Variants in SS18L1 observed in about 807,000 individuals in gnomAD.
SS18L1 encodes calcium-responsive transactivator.
Under a neutral mutation model 70.3 loss-of-function variants are expected in SS18L1, and 32 were observed. That is an observed-to-expected ratio of 0.46 (90% CI 0.34 to 0.61). SS18L1 has a LOEUF of 0.61. SS18L1 is among the 20% of genes least tolerant of loss of function. The probability of loss-of-function intolerance (pLI) is 0.01; values close to 1 mark genes in which losing one functional copy is unlikely to be tolerated. For missense variants in SS18L1, 430 were observed against 542.1 expected, an observed-to-expected ratio of 0.79 and a Z score of 2.05; for synonymous variants, 237 against 229.7, an observed-to-expected ratio of 1.03 and a Z score of -0.29.
chr20:62,144,511 C>A (rs183838431), intron 1 of SS18L1, among the ~76,000 whole-genome samples: 1 of 152,218 alleles, frequency 6.6e-6, no homozygotes. Context: ...CGTTACGCAG[C>A]CCGGCCCCGT....
In SS18L1 at chr20:62,158,629, G is replaced by A. The variant is rs1219671411; in HGVS notation, c.70-43G>A. 2.5e-6 allele frequency: 4 copies of A among 1,603,670 alleles called. No individual in the cohort carries two copies. The highest frequency in any genetic ancestry group is 2.2e-5 in the East Asian group (1 of 44,702). ...ATGGCTGTTCATCCCGAGGGTCAGCGACAGCCCCGCGTCGGCAGCGCCCGC... is the reference window on the plus strand; with the variant it reads ...ATGGCTGTTCATCCCGAGGGTCAGCAACAGCCCCGCGTCGGCAGCGCCCGC... On this transcript the variant is annotated intron_variant, in intron 1 of 10. Coordinates refer to ENST00000331758, the MANE Select transcript of SS18L1 (RefSeq NM_198935.3). This position sits in a 1 kb window ranked among gnomAD's most constrained non-coding sequence, Gnocchi z 4.5.
chr20:62,154,790 T>C (rs763920148), intron 1 of SS18L1, among the ~76,000 whole-genome samples: 19 of 152,152 alleles, frequency 1.2e-4, no homozygotes, highest in Non-Finnish European at 2.1e-4. Context: ...AGAAAATGAT[T>C]GAAGGATTTG....
At position 62,179,337 on chromosome 20, in the gene SS18L1, G is replaced by C; in HGVS notation, c.*129G>C. The stretch of plus-strand genomic sequence containing the variant: ...GCCCAGTGCCACGTCTGCATGTGAA[G>C]CGTGCTCATTTCATGCTGGGTATGA... On this transcript the variant is annotated 3_prime_UTR_variant, in exon 11 of 11. Transcript: ENST00000331758. The C allele has an allele frequency of 9.8e-7, 1 of 1,020,630 alleles. No homozygotes were observed. Among genetic ancestry groups the C allele is most frequent in the Non-Finnish European group, 1.5e-6 (1 of 659,228 alleles). 63.2% of individuals were successfully genotyped at this position (1,020,630 alleles called of 1,614,324 possible).
Position 62,163,485 on chromosome 20 carries a change from C to T in SS18L1, c.584C>T (p.Thr195Met), listed in dbSNP as rs1461589212. 4.3e-6 allele frequency: 7 copies of T among 1,612,246 alleles called. No individual in the cohort carries two copies. The highest frequency in any genetic ancestry group is 1.1e-5 in the South Asian group (1 of 91,066). ...TCCATGATGCAGCAGCAGGCGGCCA[C>T]GTCGCACTACAGCTCGGCGCAGGGC... ...PVSMMQQQAA[T>M]SHYSSAQGGS... Residue 195 changes from threonine to methionine, a missense_variant, in exon 6 of 11, where the codon ACG becomes ATG. Transcript: ENST00000331758.
At chr20:62,172,954 GC>G (rs1176705870) in intron 9 of SS18L1, among the ~76,000 whole-genome samples, 153 bp downstream of exon 9, 1 of 152,134 alleles carries the variant, frequency 6.6e-6, no homozygotes, top group Non-Finnish European at 1.5e-5. Context: ...GCCCCCCAGC[GC>G]CCACCCCTGC....
At chr20:62,157,068 T>G (rs561255936) in intron 1 of SS18L1, among the ~76,000 whole-genome samples, 1 of 152,244 alleles carries the variant, frequency 6.6e-6, no homozygotes, top group African/African-American at 2.4e-5. Flanking sequence ...CGCCTCCCGT[T>G]GGGTCTCCGC....
chr20:62,144,158 G>A (rs1269542719), intron 1 of SS18L1, among the ~76,000 whole-genome samples: 2 of 151,292 alleles, frequency 1.3e-5, no homozygotes, highest in African/African-American at 2.4e-5. Flanking sequence ...ACTGGGCGGT[G>A]GGGGCCGGGC....
At chr20:62,163,321 T>TG in intron 5 of SS18L1, 137 bp from the exon 6 acceptor site, 1 of 1,309,412 alleles carries the variant, frequency 7.6e-7, no homozygotes, top group East Asian at 2.5e-5. Flanking sequence ...AGGCGTGCCT[T>TG]GCGGTGGAGG....
At chr20:62,171,260 C>T (rs2057526947) in intron 8 of SS18L1, among the ~76,000 whole-genome samples, 2 of 152,140 alleles carry the variant, frequency 1.3e-5, no homozygotes, top group African/African-American at 4.8e-5. Flanking sequence ...TGAGAATATG[C>T]AGGCTGACCC....
chr20:62,173,213 G>T (rs2057563776), intron 9 of SS18L1, among the ~76,000 whole-genome samples: 2 of 152,218 alleles, frequency 1.3e-5, no homozygotes, highest in African/African-American at 4.8e-5. Flanking sequence ...GCAGGTCAAA[G>T]CCTGTGGGTC....
chr20:62,145,563 C>T (rs191200365), intron 1 of SS18L1, among the ~76,000 whole-genome samples: 32 of 152,340 alleles, frequency 2.1e-4, no homozygotes, highest in East Asian at 9.6e-4. Flanking sequence ...ATTTGCACTT[C>T]GCACACAGTT....
chr20:62,179,226 T>A lies in SS18L1; in HGVS notation c.*18T>A, dbSNP rs572028104. The A allele has an allele frequency of 6.2e-7, 1 of 1,614,202 alleles. No homozygotes were observed. Among genetic ancestry groups the A allele is most frequent in the Non-Finnish European group, 8.5e-7 (1 of 1,180,018 alleles). On this transcript the variant is annotated 3_prime_UTR_variant, in exon 11 of 11. Transcript: ENST00000331758. ...AGCAGTAAGGGACACACATTCTGGCTGGAGCCCTTGTGGTAGCGTGTTCAT... is the reference window on the plus strand; with the variant it reads ...AGCAGTAAGGGACACACATTCTGGCAGGAGCCCTTGTGGTAGCGTGTTCAT...
At chr20:62,173,990 G>A (rs1175261599) in intron 9 of SS18L1, among the ~76,000 whole-genome samples, 1 of 151,776 alleles carries the variant, frequency 6.6e-6, no homozygotes, top group Non-Finnish European at 1.5e-5. Flanking sequence ...CTCCAGCCTG[G>A]CTTGGGTGAC....
intron 4 of SS18L1, chr20:62,162,523 C>T (rs558471544): frequency 3.1e-5 from 15 of 491,024 alleles, no homozygotes; most frequent in African/African-American, 6.0e-5. Context: ...AGGCTGGTTT[C>T]GAACTCTTGA....
chr20:62,154,150 C>T (rs2057181628), intron 1 of SS18L1: 1 of 214,768 alleles, frequency 4.7e-6, no homozygotes, highest in Admixed American at 6.3e-5. Flanking sequence ...TCTGCTCCAA[C>T]TCACTGTGAC....
chr20:62,145,908 G>A lies in SS18L1; in HGVS notation c.69+2019G>A, dbSNP rs7271505. Among the ~76,000 whole-genome samples the A allele has an allele frequency of 4.0e-3, 607 of 152,360 alleles. 3 individuals are homozygous for A. Among genetic ancestry groups the A allele is most frequent in the African/African-American group, 0.014 (564 of 41,580 alleles). ...CAGTGTGTGCTGGTAGTGTCATGCCGAGAGCTTTAAGAGAAGCCAGGGACC... is the reference window on the plus strand; with the variant it reads ...CAGTGTGTGCTGGTAGTGTCATGCCAAGAGCTTTAAGAGAAGCCAGGGACC... On this transcript the variant is annotated intron_variant, in intron 1 of 10. Coordinates refer to ENST00000331758, the MANE Select transcript of SS18L1 (RefSeq NM_198935.3).
At chr20:62,147,498 G>C (rs2057052850) in intron 1 of SS18L1, among the ~76,000 whole-genome samples, 1 of 152,218 alleles carries the variant, frequency 6.6e-6, no homozygotes, top group Non-Finnish European at 1.5e-5. Flanking sequence ...GGGGACCCCT[G>C]AGTTGCCTCT....
At chr20:62,145,432 G>A (rs2057007663) in intron 1 of SS18L1, among the ~76,000 whole-genome samples, 1 of 152,198 alleles carries the variant, frequency 6.6e-6, no homozygotes, top group African/African-American at 2.4e-5. Flanking sequence ...GCCAGGCGGA[G>A]GTCAAGCTCT....
intron 1 of SS18L1, among the ~76,000 whole-genome samples, chr20:62,153,981 C>G (rs1388945558): frequency 6.6e-6 from 1 of 152,216 alleles, no homozygotes; most frequent in Non-Finnish European, 1.5e-5. Flanking sequence ...CTCTTCTGTC[C>G]TGTGGACACG....
Sources: allele counts gnomAD v4.1 joint callset (sites outside exome capture counted in the v4.1 genomes callset), GRCh38; gene constraint gnomAD v4.1.1; non-coding constraint Gnocchi (gnomAD v3.1); transcripts MANE v1.5; gene names NCBI Gene and HGNC (gene_info 2026-07-23, HGNC 2026-07-21).